RARB: variants seen among roughly 807,000 people sequenced by gnomAD.
The protein encoded by RARB is HBV-activated protein.
RARB carries 17 observed loss-of-function variants against 51.9 expected under a neutral mutation model. That is an observed-to-expected ratio of 0.33 (90% confidence interval 0.22 to 0.49). RARB has a LOEUF of 0.49. Among genes scored for constraint, RARB ranks in the 20% least tolerant of loss-of-function variants. The pLI is 0.99. For missense variants in RARB, 369 were observed against 550.8 expected (o/e 0.67, Z 3.30); for synonymous variants, 215 against 195.4 (o/e 1.10, Z -0.84).
At chr3:25,015,106 G>A (rs1697480317) in intron 2 of RARB, among the ~76,000 whole-genome samples, 1 of 152,148 alleles carries the variant, frequency 6.6e-6, no homozygotes, top group Non-Finnish European at 1.5e-5. Flanking sequence ...GAGTGTCTGT[G>A]TATAAGATGA....
chr3:24,927,202 T>C (rs1384130297), intron 2 of RARB, among the ~76,000 whole-genome samples: 1 of 152,136 alleles, frequency 6.6e-6, no homozygotes, highest in Non-Finnish European at 1.5e-5. Context: ...CTCGTAGATT[T>C]GCATTACAAA....
intron 1 of RARB, among the ~76,000 whole-genome samples, chr3:25,456,245 C>A (rs1293616409): frequency 1.3e-5 from 2 of 152,174 alleles, no homozygotes; most frequent in African/African-American, 2.4e-5. Context: ...GTGAACAGAT[C>A]AATGGCTGAG....
chr3:24,852,605 A>G (rs181473201), intron 1 of RARB, among the ~76,000 whole-genome samples: 58 of 152,364 alleles, frequency 3.8e-4, no homozygotes, highest in East Asian at 9.6e-4. Context: ...AAAAAAATAA[A>G]TGTCCACCGA....
chr3:25,223,416 T>C (rs1206702420), intron 5 of RARB, among the ~76,000 whole-genome samples: 1 of 152,228 alleles, frequency 6.6e-6, no homozygotes, highest in Non-Finnish European at 1.5e-5. Context: ...CCATATGAAT[T>C]TGATAACAAG....
chr3:25,363,506 T>C (rs1163123503), intron 5 of RARB, among the ~76,000 whole-genome samples: 2 of 152,162 alleles, frequency 1.3e-5, no homozygotes, highest in African/African-American at 4.8e-5. Flanking sequence ...CCACTTGACA[T>C]CATTCTTGTC....
chr3:25,200,883 C>T (rs962405072), intron 5 of RARB, among the ~76,000 whole-genome samples: 4 of 152,148 alleles, frequency 2.6e-5, no homozygotes, highest in African/African-American at 9.7e-5. Context: ...CATGATACCT[C>T]CAGCTTTGTT....
intron 2 of RARB, among the ~76,000 whole-genome samples, chr3:24,903,892 T>A (rs1694785723): frequency 6.6e-6 from 1 of 152,282 alleles, no homozygotes. Flanking sequence ...ATAAGTTATA[T>A]GGTATAGTGA....
chr3:24,837,440 A>G (rs905612370), intron 1 of RARB, among the ~76,000 whole-genome samples: 1 of 152,226 alleles, frequency 6.6e-6, no homozygotes, highest in Non-Finnish European at 1.5e-5. Context: ...TGAGAACTGT[A>G]TTAAATGTTT....
intron 3 of RARB, among the ~76,000 whole-genome samples, chr3:25,117,970 A>C (rs1575168436): frequency 6.6e-6 from 1 of 152,162 alleles, no homozygotes; most frequent in Non-Finnish European, 1.5e-5. Flanking sequence ...CACATCACTG[A>C]AGTCTTATCT....
chr3:25,581,437 G>A (rs1701171877), intron 5 of RARB, among the ~76,000 whole-genome samples: 1 of 152,152 alleles, frequency 6.6e-6, no homozygotes, highest in Admixed American at 6.5e-5. Context: ...GCCCCCACCA[G>A]GGAAAGAGAG....
intron 5 of RARB, among the ~76,000 whole-genome samples, chr3:25,309,034 C>G (rs1004341844): frequency 4.1e-4 from 62 of 152,034 alleles, no homozygotes; most frequent in Admixed American, 1.8e-3. Context: ...ATGAAATCAA[C>G]CAAAACCACT....
At chr3:25,318,674 G>C (rs571394723) in intron 5 of RARB, among the ~76,000 whole-genome samples, 3 of 152,244 alleles carry the variant, frequency 2.0e-5, no homozygotes, top group South Asian at 4.2e-4. Flanking sequence ...ATCTTTAGGA[G>C]CAAATGTAGA....
intron 3 of RARB, among the ~76,000 whole-genome samples, chr3:25,525,205 G>C (rs1198808100): frequency 2.0e-5 from 3 of 152,156 alleles, no homozygotes; most frequent in African/African-American, 7.2e-5. Context: ...AACACTCAAA[G>C]ATCTAGCTCA....
intron 2 of RARB, among the ~76,000 whole-genome samples, chr3:24,914,628 T>C (rs894674635): frequency 3.3e-5 from 5 of 152,234 alleles, no homozygotes; most frequent in Non-Finnish European, 7.3e-5. Flanking sequence ...TCCTGTATAC[T>C]TTAAATCATC....
chr3:25,157,340 G>GTGTGTT (rs1491289165), intron 4 of RARB, among the ~76,000 whole-genome samples: 2 of 119,936 alleles, frequency 1.7e-5, no homozygotes, highest in East Asian at 5.0e-4. Flanking sequence ...ACAGTTCTGA[G>GTGTGTT]TGTGTGTGTT....
intron 3 of RARB, among the ~76,000 whole-genome samples, chr3:25,092,918 CTG>C (rs1296289756): frequency 6.6e-6 from 1 of 152,134 alleles, no homozygotes; most frequent in Non-Finnish European, 1.5e-5. Flanking sequence ...CTAAGAGAAA[CTG>C]AGACATTTCT....
chr3:25,239,208 T>C (rs755046263), intron 5 of RARB, among the ~76,000 whole-genome samples: 10 of 152,234 alleles, frequency 6.6e-5, no homozygotes, highest in Non-Finnish European at 1.5e-4. Context: ...ATTAGTCCCT[T>C]GTCATATGAA....
intron 2 of RARB, among the ~76,000 whole-genome samples, chr3:25,006,457 A>C (rs1327888699): frequency 6.6e-6 from 1 of 152,158 alleles, no homozygotes; most frequent in East Asian, 1.9e-4. Flanking sequence ...CTGTAATTGA[A>C]TGGCTGTGGT....
At chr3:25,144,474 C>T (rs910873632) in intron 4 of RARB, among the ~76,000 whole-genome samples, 1 of 152,022 alleles carries the variant, frequency 6.6e-6, no homozygotes, top group Admixed American at 6.5e-5. Context: ...AACTAGAGAC[C>T]CGTGTTCTCT....
Sources: gnomAD v4.1 joint callset for allele counts (sites outside exome capture counted in the v4.1 genomes callset) on GRCh38, gnomAD v4.1.1 for gene constraint, MANE v1.5 for transcripts, NCBI Gene and HGNC (gene_info 2026-07-23, HGNC 2026-07-21) for gene names.